The following DYM variants were observed in gnomAD, a reference collection of about 807,000 sequenced individuals.
The protein encoded by DYM is dyggve-Melchior-Clausen syndrome protein.
In DYM, 78 loss-of-function variants were observed where a neutral mutation model predicts 93.1. The ratio of observed to expected loss-of-function variants is 0.84; its 90% CI spans 0.70 to 1.01. The LOEUF (loss-of-function observed/expected upper bound fraction) is 1.01, where lower values mean the gene tolerates loss of function less well. Ranked by LOEUF, DYM falls within the 50% of genes least tolerant of loss-of-function variation. The pLI, the probability that DYM is intolerant of heterozygous loss-of-function variation, is 0.00. For synonymous variants in DYM, 321 were observed against 319.7 expected (o/e 1.00, Z -0.04); for missense variants, 789 against 845.0 (o/e 0.93, Z 0.82).
intron 2 of DYM, among the ~76,000 whole-genome samples, chr18:49,399,934 CTTTTTTTTTTT>C (rs1201370040): frequency 7.1e-4 from 47 of 66,138 alleles, no homozygotes; most frequent in Middle Eastern, 0.018. Flanking sequence ...TTTTATTTTT[CTTTTTTTTTTT>C]TTTTTTTTTT....
At chr18:49,143,443 C>G (rs1179276725) in intron 15 of DYM, among the ~76,000 whole-genome samples, 1 of 152,100 alleles carries the variant, frequency 6.6e-6, no homozygotes, top group African/African-American at 2.4e-5. Flanking sequence ...CTAATATTTA[C>G]ACAGTACTTG....
rs2082129115 is a variant in DYM, at chr18:49,118,744, C to G, written c.1911G>C (p.Leu637=). The change falls in exon 16 of 18, where the codon CTG becomes CTC. Residue 637 remains leucine (L), a splice_region_variant and synonymous_variant. Coordinates refer to ENST00000675505, the MANE Select transcript of DYM (RefSeq NM_001353214.3). Reference sequence around the variant, plus strand: ...AATAAATGTCTTCATTTACACTCACCAGATCAATATTTTGCATTATATCCT... The same window carrying G: ...AATAAATGTCTTCATTTACACTCACGAGATCAATATTTTGCATTATATCCT... ...SFQDIMQNID[L]VISFFSSRLL... The G allele has an allele frequency of 1.9e-6, 3 of 1,612,308 alleles. No individual in the cohort carries two copies. The Admixed American group carries it at 5.0e-5, about 27-fold the overall frequency.
chr18:49,117,927 G>A lies in DYM; in HGVS notation c.1911+817C>T, dbSNP rs141776458. 2.9e-3 allele frequency among the ~76,000 whole-genome samples: 435 copies of A among 150,638 alleles called. 13 individuals are homozygous for A. In the East Asian group the frequency reaches 0.071, roughly 25 times the overall value. ...TTAGCCAGGATGGTCTCGATCTCCC[G>A]ACCTCGTGATCTGCCCATCTCGGCC... On this transcript the variant is annotated intron_variant, in intron 16 of 17. Transcript: ENST00000675505.
intron 1 of DYM, among the ~76,000 whole-genome samples, chr18:49,442,610 T>C (rs556018082): frequency 1.3e-5 from 2 of 152,112 alleles, no homozygotes; most frequent in East Asian, 1.9e-4. Flanking sequence ...AACAGATGAT[T>C]CTAAGAAAAA....
intron 9 of DYM, among the ~76,000 whole-genome samples, chr18:49,284,560 C>G (rs1462466436): frequency 6.6e-6 from 1 of 152,126 alleles, no homozygotes; most frequent in Non-Finnish European, 1.5e-5. Context: ...ACTTACCTTG[C>G]TTGGTCTTTA....
chr18:49,396,889 G>A (rs147461189), intron 2 of DYM, among the ~76,000 whole-genome samples: 1,627 of 152,252 alleles, frequency 0.011, 26 homozygotes, highest in African/African-American at 0.037. Flanking sequence ...ATAAACAGTA[G>A]AATAGTGGTA....
At chr18:49,147,277 T>C (rs1425736067) in intron 15 of DYM, among the ~76,000 whole-genome samples, 1 of 151,854 alleles carries the variant, frequency 6.6e-6, no homozygotes, top group Non-Finnish European at 1.5e-5. Context: ...ATTCAGGACA[T>C]AGGCATGGGC....
chr18:49,125,189 G>A (rs1015361543), intron 15 of DYM, among the ~76,000 whole-genome samples: 1 of 152,078 alleles, frequency 6.6e-6, no homozygotes, highest in Non-Finnish European at 1.5e-5. Context: ...GAACCCAGCA[G>A]GCGGAGGTTG....
chr18:49,440,439 G>C (rs866229646), intron 1 of DYM, among the ~76,000 whole-genome samples: 13 of 94,494 alleles, frequency 1.4e-4, no homozygotes, highest in Middle Eastern at 5.3e-3. Context: ...TAGGAGTAAA[G>C]TGACTATATA....
At position 49,126,912 on chromosome 18, in the gene DYM, C is replaced by T. The variant is rs183837424; in HGVS notation, c.1729-7986G>A. ...TAGTTTTAAATGTAAGTCCAAAATC[C>T]CACTCTTATTAATTTATAAAAGTAG... On this transcript the variant is annotated intron_variant, in intron 15 of 17. Transcript: ENST00000675505. Among the ~76,000 whole-genome samples, 67 of 152,240 alleles carry T rather than the reference C, an allele frequency of 4.4e-4. 1 individual carries two copies. The South Asian group carries it at 5.2e-3, about 12-fold the overall frequency.
intron 14 of DYM, among the ~76,000 whole-genome samples, chr18:49,177,067 A>C (rs1035840146): frequency 1.3e-5 from 2 of 152,154 alleles, no homozygotes; most frequent in African/African-American, 4.8e-5. Flanking sequence ...AGGAAATAGC[A>C]AATCTGTCCA....
chr18:49,147,444 T>C (rs910980769), intron 15 of DYM, among the ~76,000 whole-genome samples: 1 of 152,050 alleles, frequency 6.6e-6, no homozygotes, highest in African/African-American at 2.4e-5. Context: ...TGCAGTCTAC[T>C]CATCTGACAA....
At chr18:49,391,732 GA>G in intron 2 of DYM, 87 bp from the exon 3 acceptor site, 1 of 1,194,158 alleles carries the variant, frequency 8.4e-7, no homozygotes, top group Admixed American at 1.8e-5. Flanking sequence ...ATAAAGATAA[GA>G]AAAATAATTT....
intron 11 of DYM, among the ~76,000 whole-genome samples, chr18:49,270,720 A>G (rs1022845153): frequency 6.6e-5 from 10 of 152,188 alleles, no homozygotes; most frequent in Non-Finnish European, 1.2e-4. Context: ...ATAAATTTGT[A>G]TGTTTTATAC....
rs111263597 is a variant in DYM at position 49,350,371 on chromosome 18, G to C, written c.494+12790C>G. 3.3e-4 allele frequency among the ~76,000 whole-genome samples: 50 copies of C among 152,282 alleles called. 1 individual carries two copies. Among genetic ancestry groups the C allele is most frequent in the African/African-American group, 1.1e-3 (44 of 41,566 alleles). On this transcript the variant is annotated intron_variant, in intron 6 of 17. Transcript: ENST00000675505. Reference sequence around the variant, plus strand: ...AAAAATCAAGTTAAAAGTGATAAAAGCAACTTACAGAATAGTCTGTCTGGC... The same window carrying C: ...AAAAATCAAGTTAAAAGTGATAAAACCAACTTACAGAATAGTCTGTCTGGC...
intron 15 of DYM, among the ~76,000 whole-genome samples, chr18:49,121,392 A>G (rs904175947): frequency 5.9e-5 from 9 of 152,322 alleles, no homozygotes; most frequent in African/African-American, 2.2e-4. Flanking sequence ...AGAGAATCCA[A>G]CAAGGGCTGT....
intron 6 of DYM, among the ~76,000 whole-genome samples, chr18:49,342,834 T>C (rs1231029884): frequency 6.6e-6 from 1 of 152,226 alleles, no homozygotes; most frequent in Non-Finnish European, 1.5e-5. Context: ...CAGGTTATAC[T>C]ATTCAGGGTA....
rs1341520741 is a variant in DYM at position 49,372,971 on chromosome 18, T to C, written c.421+5596A>G. Among the ~76,000 whole-genome samples, 23 of 152,010 alleles carry C rather than the reference T, an allele frequency of 1.5e-4. 1 individual carries two copies. Among genetic ancestry groups the C allele is most frequent in the Admixed American group, 1.4e-3 (21 of 15,266 alleles). On this transcript the variant is annotated intron_variant, in intron 5 of 17. Coordinates refer to ENST00000675505, the MANE Select transcript of DYM (RefSeq NM_001353214.3). ...ATTCTCCCACTACCCTTACATTAGG[T>C]TACCTAGGATGCACAACAAAAAACC...
chr18:49,381,949 C>T (rs977619022), intron 3 of DYM, among the ~76,000 whole-genome samples: 1 of 151,186 alleles, frequency 6.6e-6, no homozygotes, highest in African/African-American at 2.4e-5. Flanking sequence ...TTTGCAAACG[C>T]ATCTCTGTGG....
Sources: allele counts gnomAD v4.1 joint callset (sites outside exome capture counted in the v4.1 genomes callset), GRCh38; gene constraint gnomAD v4.1.1; transcripts MANE v1.5; gene names NCBI Gene and HGNC (gene_info 2026-07-23, HGNC 2026-07-21).